INPP4B: variants seen among roughly 807,000 people sequenced by gnomAD.
INPP4B encodes inositol polyphosphate-4-phosphatase type II B, also known as inositol polyphosphate 4-phosphatase type II.
In INPP4B, 55 loss-of-function variants were observed where a neutral mutation model predicts 122.5. The ratio of observed to expected loss-of-function variants is 0.45; its 90% CI spans 0.36 to 0.56. The LOEUF is 0.56. Among genes scored for constraint, INPP4B ranks in the 20% least tolerant of loss-of-function variants. The pLI, the probability that INPP4B is intolerant of heterozygous loss-of-function variation, is 0.00. For synonymous variants in INPP4B, 403 were observed against 388.7 expected, an observed-to-expected ratio of 1.04 and a Z score of -0.43; for missense variants, 1,000 against 1,097.7, an observed-to-expected ratio of 0.91 and a Z score of 1.26.
chr4:142,423,718 T>G, intron 5 of INPP4B: 1 of 411,818 alleles, frequency 2.4e-6, no homozygotes, highest in East Asian at 7.1e-5. Flanking sequence ...TATACTGAAT[T>G]GCATATCCAC....
chr4:142,113,882 A>G (rs943182638), intron 21 of INPP4B, among the ~76,000 whole-genome samples: 1 of 152,094 alleles, frequency 6.6e-6, no homozygotes. Context: ...TTATAGAATT[A>G]TACAATCATG....
At chr4:142,127,574 A>C (rs1476452802) in intron 18 of INPP4B, among the ~76,000 whole-genome samples, 1 of 152,174 alleles carries the variant, frequency 6.6e-6, no homozygotes, top group African/African-American at 2.4e-5. Flanking sequence ...ACAGTGTTAC[A>C]TACTTCTGAT....
At position 142,122,191 on chromosome 4, in the gene INPP4B, T is replaced by C; in HGVS notation, c.2072A>G (p.Lys691Arg). The C allele has an allele frequency of 6.2e-7, 1 of 1,612,240 alleles. No homozygotes were observed. The highest frequency in any genetic ancestry group is 8.5e-7 in the Non-Finnish European group (1 of 1,179,112). Residue 691 changes from lysine to arginine, a missense_variant, in exon 21 of 26, where the codon AAA (lysine) becomes AGA (arginine). By Grantham distance (26) the Lys-to-Arg change is conservative. Transcript: ENST00000262992. ...GGCTTCAATTATTTTAAATGCAACT[T>C]TCTTTAAATCGGAAATGCCAACGGC... The part of the protein sequence containing the change: ...DMAVGISDLK[K>R]VAFKIIEAKS...
chr4:142,683,223 T>C (rs900786931), intron 2 of INPP4B, among the ~76,000 whole-genome samples: 3 of 151,992 alleles, frequency 2.0e-5, no homozygotes, highest in African/African-American at 7.2e-5. Flanking sequence ...TGTATTTCTT[T>C]GGCAGGAGAG....
chr4:142,716,180 G>C (rs1317328557), intron 2 of INPP4B, among the ~76,000 whole-genome samples: 1 of 152,190 alleles, frequency 6.6e-6, no homozygotes, highest in Non-Finnish European at 1.5e-5. Flanking sequence ...GGATGCCAAC[G>C]AGGTTCTGGA....
chr4:142,749,326 G>A (rs1769288524), intron 1 of INPP4B, among the ~76,000 whole-genome samples: 1 of 145,636 alleles, frequency 6.9e-6, no homozygotes, highest in African/African-American at 2.5e-5. Context: ...ATATATATAT[G>A]GTAAGACAAT....
At chr4:142,327,467 T>C (rs1195496307) in intron 7 of INPP4B, among the ~76,000 whole-genome samples, 8 of 151,066 alleles carry the variant, frequency 5.3e-5, no homozygotes, top group African/African-American at 1.7e-4. Context: ...TATATGGGCA[T>C]GGAGTGGAGG....
rs550162773 is a variant in INPP4B at position 142,390,541 on chromosome 4, G to A, written c.372+12397C>T. ...TATCTTTTCTGACTTATAACTTTGA[G>A]ATGCTACAGAGGGCCCCTAAAACAT... On this transcript the variant is annotated intron_variant, in intron 7 of 25. Transcript: ENST00000262992. Among the ~76,000 whole-genome samples the A allele has an allele frequency of 3.9e-5, 6 of 152,216 alleles. No homozygotes were observed. In the South Asian group the frequency reaches 1.2e-3, roughly 32 times the overall value.
chr4:142,199,031 A>G (rs1839596870), intron 14 of INPP4B, among the ~76,000 whole-genome samples: 2 of 152,028 alleles, frequency 1.3e-5, no homozygotes, highest in South Asian at 4.1e-4. Context: ...ATAGTCCTAA[A>G]TTCATATCTT....
intron 7 of INPP4B, 30 bp from the exon 8 acceptor site, chr4:142,314,792 T>G: frequency 1.3e-6 from 2 of 1,581,680 alleles, no homozygotes; most frequent in Non-Finnish European, 1.7e-6. Flanking sequence ...CTGTAAGACT[T>G]TGGAGTAGAA....
rs186767 is a variant in INPP4B at position 142,134,477 on chromosome 4, C to G, written c.1721-9717G>C. 5.4e-3 allele frequency among the ~76,000 whole-genome samples: 826 copies of G among 152,120 alleles called. 6 individuals are homozygous for G. Among genetic ancestry groups the G allele is most frequent in the Middle Eastern group, 0.01 (3 of 294 alleles). On this transcript the variant is annotated intron_variant, in intron 18 of 25. Coordinates refer to ENST00000262992, the MANE Select transcript of INPP4B (RefSeq NM_001101669.3). ...TCAAAAATGTTATTGAAATTCTAGGCTTACAATAAAAATGTACTTTACATG... is the reference window on the plus strand; with the variant it reads ...TCAAAAATGTTATTGAAATTCTAGGGTTACAATAAAAATGTACTTTACATG...
chr4:142,152,888 A>G (rs917979058), intron 17 of INPP4B, among the ~76,000 whole-genome samples: 1 of 152,222 alleles, frequency 6.6e-6, no homozygotes, highest in African/African-American at 2.4e-5. Context: ...CAGGTTTCAT[A>G]TAAGTGCCTA....
At chr4:142,085,010 A>C (rs1426458064) in intron 24 of INPP4B, among the ~76,000 whole-genome samples, 1 of 152,212 alleles carries the variant, frequency 6.6e-6, no homozygotes, top group Non-Finnish European at 1.5e-5. Flanking sequence ...GAGCAGCCAC[A>C]CTATTAAAAA....
intron 2 of INPP4B, among the ~76,000 whole-genome samples, chr4:142,578,952 C>G (rs1734427653): frequency 6.6e-6 from 1 of 151,964 alleles, no homozygotes. Flanking sequence ...TTACTGTGGT[C>G]TCTTGTAACT....
chr4:142,085,971 T>A lies in INPP4B; in HGVS notation c.2487+173A>T, dbSNP rs542066891. On this transcript the variant is annotated intron_variant, in intron 24 of 25. Transcript: ENST00000262992. Reference sequence around the variant, plus strand: ...AAGTGCATCTTCTTCTATCTTATGTTCTAGTCTATGGATAGAACTACCAAC... The same window carrying A: ...AAGTGCATCTTCTTCTATCTTATGTACTAGTCTATGGATAGAACTACCAAC... Among the ~76,000 whole-genome samples the A allele has an allele frequency of 3.3e-5, 5 of 152,296 alleles. No individual in the cohort carries two copies. In the East Asian group the frequency reaches 9.7e-4, roughly 29 times the overall value.
chr4:142,255,967 C>T (rs186597078), intron 11 of INPP4B, among the ~76,000 whole-genome samples: 7 of 145,952 alleles, frequency 4.8e-5, no homozygotes, highest in African/African-American at 1.5e-4. Context: ...AAGCTCTCCT[C>T]AGCAAATGTA....
At chr4:142,762,112 C>T (rs1167447077) in intron 1 of INPP4B, among the ~76,000 whole-genome samples, 3 of 152,078 alleles carry the variant, frequency 2.0e-5, no homozygotes, top group Non-Finnish European at 4.4e-5. Context: ...GCCCACACAC[C>T]AGGCTTTTTC....
intron 23 of INPP4B, among the ~76,000 whole-genome samples, chr4:142,089,437 C>CCACACACA (rs36203495): frequency 5.4e-4 from 76 of 141,602 alleles, no homozygotes; most frequent in East Asian, 1.0e-3. Context: ...GATGTTCTCA[C>CCACACACA]CACACACACA....
chr4:142,644,018 T>C (rs954089770), intron 2 of INPP4B, among the ~76,000 whole-genome samples: 1 of 151,800 alleles, frequency 6.6e-6, no homozygotes, highest in African/African-American at 2.4e-5. Context: ...CTGGGCAACA[T>C]TGCGTGATCC....
Sources: allele counts gnomAD v4.1 joint callset (sites outside exome capture counted in the v4.1 genomes callset), GRCh38; gene constraint gnomAD v4.1.1; transcripts MANE v1.5; gene names NCBI Gene and HGNC (gene_info 2026-07-23, HGNC 2026-07-21).